Variants in DLG2 observed in about 807,000 individuals in gnomAD.
The protein encoded by DLG2 is discs large MAGUK scaffold protein 2.
In DLG2, 45 loss-of-function variants were observed where a neutral mutation model predicts 132.5. The observed-to-expected ratio is 0.34, with a 90% CI of 0.27 to 0.44. The LOEUF is 0.44. Ranked by LOEUF, DLG2 falls within the 20% of genes least tolerant of loss-of-function variation. DLG2 has a pLI of 1.00. For missense variants in DLG2, 1,045 were observed against 1,196.9 expected (o/e 0.87, Z 1.87); for synonymous variants, 424 against 419.6 (o/e 1.01, Z -0.13).
At chr11:84,441,858 C>G (rs890781227) in intron 7 of DLG2, among the ~76,000 whole-genome samples, 26 of 152,160 alleles carry the variant, frequency 1.7e-4, no homozygotes, top group Non-Finnish European at 3.8e-4. Context: ...TTCCCAACAC[C>G]ATTTATTAAA....
chr11:85,000,904 T>C lies in DLG2; in HGVS notation c.357+110757A>G, dbSNP rs185993096. On this transcript the variant is annotated intron_variant, in intron 6 of 27. Transcript: ENST00000376104. Reference sequence around the variant, plus strand: ...AAAGACTATATTAAGTTATGTAATATAAGTAGATGCATTTCATAACCCAAC... The same window carrying C: ...AAAGACTATATTAAGTTATGTAATACAAGTAGATGCATTTCATAACCCAAC... Among the ~76,000 whole-genome samples the C allele has an allele frequency of 4.6e-3, 700 of 152,212 alleles. 1 individual carries two copies. Among genetic ancestry groups the C allele is most frequent in the Non-Finnish European group, 7.7e-3 (521 of 68,010 alleles).
chr11:85,209,011 C>T lies in DLG2; in HGVS notation c.187-54360G>A, dbSNP rs79653280. Among the ~76,000 whole-genome samples, 1,187 of 152,198 alleles carry T rather than the reference C, an allele frequency of 7.8e-3. 19 individuals are homozygous for T. The highest frequency in any genetic ancestry group is 0.027 in the African/African-American group (1,139 of 41,526). ...TTTGCAAGTACACTGGGTTCATGCA[C>T]TGATAATTGAGAGGTGGCTGTGGTT... On this transcript the variant is annotated intron_variant, in intron 4 of 27. Coordinates refer to ENST00000376104, the MANE Select transcript of DLG2 (RefSeq NM_001142699.3).
chr11:83,874,543 T>TTA, intron 15 of DLG2, 55 bp from the exon 16 acceptor site: 1 of 1,359,386 alleles, frequency 7.4e-7, no homozygotes, highest in East Asian at 2.6e-5. Context: ...TATTTTTTTA[T>TTA]TTTTTTATTA....
chr11:85,088,080 T>C (rs969438365), intron 6 of DLG2, among the ~76,000 whole-genome samples: 1 of 152,098 alleles, frequency 6.6e-6, no homozygotes, highest in Admixed American at 6.6e-5. Flanking sequence ...GTAGTCCAGG[T>C]AATAGATAGT....
At chr11:84,430,966 G>A (rs1002642916) in intron 7 of DLG2, among the ~76,000 whole-genome samples, 6 of 152,110 alleles carry the variant, frequency 3.9e-5, no homozygotes, top group Non-Finnish European at 8.8e-5. Flanking sequence ...AGGACAATCT[G>A]TTCATCCTTC....
intron 26 of DLG2, among the ~76,000 whole-genome samples, chr11:83,466,016 A>G (rs182343828): frequency 9.1e-4 from 138 of 152,308 alleles, no homozygotes; most frequent in Non-Finnish European, 1.5e-3. Flanking sequence ...TGATTCTTGA[A>G]AGAAGTTATT....
intron 6 of DLG2, among the ~76,000 whole-genome samples, chr11:84,988,600 T>C (rs2056758900): frequency 6.6e-6 from 1 of 152,180 alleles, no homozygotes; most frequent in South Asian, 2.1e-4. Flanking sequence ...AGACTATTTT[T>C]CTAAGTGAAG....
intron 18 of DLG2, among the ~76,000 whole-genome samples, chr11:83,728,779 C>T (rs2090482078): frequency 6.6e-6 from 1 of 152,240 alleles, no homozygotes; most frequent in African/African-American, 2.4e-5. Flanking sequence ...GGCCTTCCTC[C>T]TTGAAATAGG....
intron 15 of DLG2, among the ~76,000 whole-genome samples, chr11:83,910,537 GT>G (rs2075857519): frequency 6.6e-6 from 1 of 152,028 alleles, no homozygotes; most frequent in Admixed American, 6.6e-5. Context: ...ATAATACATA[GT>G]TTCAAATAGC....
chr11:84,202,249 G>C (rs892869447), intron 8 of DLG2, among the ~76,000 whole-genome samples: 1 of 152,108 alleles, frequency 6.6e-6, no homozygotes, highest in African/African-American at 2.4e-5. Flanking sequence ...AAAAGAGGAT[G>C]GGACTGGTAC....
intron 19 of DLG2, among the ~76,000 whole-genome samples, chr11:83,628,771 T>C (rs2063061441): frequency 6.6e-6 from 1 of 152,184 alleles, no homozygotes; most frequent in African/African-American, 2.4e-5. Context: ...TTTGTTTGTC[T>C]GTGTACCGTG....
At chr11:83,574,861 C>T (rs1247649605) in intron 19 of DLG2, among the ~76,000 whole-genome samples, 1 of 152,172 alleles carries the variant, frequency 6.6e-6, no homozygotes, top group Admixed American at 6.5e-5. Context: ...CCACTTGGCA[C>T]TTGTGAAATT....
chr11:84,088,229 C>T (rs147116815), intron 10 of DLG2, among the ~76,000 whole-genome samples: 115 of 152,278 alleles, frequency 7.6e-4, no homozygotes, highest in Middle Eastern at 3.4e-3. Flanking sequence ...TTTACTCCTA[C>T]ATTTTCTTCT....
At chr11:84,327,683 C>T (rs950442925) in intron 7 of DLG2, among the ~76,000 whole-genome samples, 11 of 152,276 alleles carry the variant, frequency 7.2e-5, no homozygotes, top group African/African-American at 2.4e-4. Context: ...ACTTCAATTG[C>T]ATACAAATAC....
chr11:85,313,044 T>C (rs2080416161), intron 3 of DLG2, among the ~76,000 whole-genome samples: 1 of 152,004 alleles, frequency 6.6e-6, no homozygotes, highest in African/African-American at 2.4e-5. Context: ...ATTATGGCTT[T>C]TGAGACGAGA....
rs939459944 is a variant in DLG2, at chr11:84,727,157, G to A, written c.358-192426C>T. ...TGCCATTGTTTTTGGTGTTTTAGACGAAGTCTTTGCCCATGCCTATGTCCT... is the reference window on the plus strand; with the variant it reads ...TGCCATTGTTTTTGGTGTTTTAGACAAAGTCTTTGCCCATGCCTATGTCCT... On this transcript the variant is annotated intron_variant, in intron 6 of 27. Transcript: ENST00000376104. 1.1e-4 allele frequency among the ~76,000 whole-genome samples: 16 copies of A among 151,754 alleles called. No homozygotes were observed. The South Asian group carries it at 2.3e-3, about 22-fold the overall frequency.
Position 85,158,360 on chromosome 11 carries a change from A to T in DLG2, c.187-3709T>A, listed in dbSNP as rs112263188. On this transcript the variant is annotated intron_variant, in intron 4 of 27. Coordinates refer to ENST00000376104, the MANE Select transcript of DLG2 (RefSeq NM_001142699.3). ...GTTTGTTTAGCTGAAATATGGATTA[A>T]AAGATAACCCACTGTGAGTGAGCTG... Among the ~76,000 whole-genome samples, 262 of 152,284 alleles carry T rather than the reference A, an allele frequency of 1.7e-3. 1 individual carries two copies. The highest frequency in any genetic ancestry group is 6.2e-3 in the African/African-American group (257 of 41,552).
chr11:84,426,857 G>A (rs1276362633), intron 7 of DLG2, among the ~76,000 whole-genome samples: 1 of 152,086 alleles, frequency 6.6e-6, no homozygotes, highest in Non-Finnish European at 1.5e-5. Context: ...TAAAAGTTGG[G>A]TGGTATATTT....
chr11:84,670,807 GC>G (rs2099705021), intron 6 of DLG2, among the ~76,000 whole-genome samples: 1 of 151,732 alleles, frequency 6.6e-6, no homozygotes, highest in African/African-American at 2.4e-5. Context: ...CCCTAATATT[GC>G]TGTGGACTCA....
Sources: allele counts gnomAD v4.1 joint callset (sites outside exome capture counted in the v4.1 genomes callset), GRCh38; gene constraint gnomAD v4.1.1; transcripts MANE v1.5; gene names NCBI Gene and HGNC (gene_info 2026-07-23, HGNC 2026-07-21).